Variants in KCNMB4 observed in about 807,000 individuals in gnomAD.
KCNMB4 encodes potassium calcium-activated channel subfamily M regulatory beta subunit 4.
Under a neutral mutation model 20.7 loss-of-function variants are expected in KCNMB4, and 3 were observed. The ratio of observed to expected loss-of-function variants is 0.14; its 90% CI spans 0.07 to 0.37. KCNMB4 has a LOEUF of 0.37. Ranked by LOEUF, KCNMB4 falls within the 10% of genes least tolerant of loss-of-function variation. KCNMB4 has a pLI of 1.00. For missense variants in KCNMB4, 168 were observed against 265.9 expected, an observed-to-expected ratio of 0.63 and a Z score of 2.56; for synonymous variants, 110 against 113.4, an observed-to-expected ratio of 0.97 and a Z score of 0.19.
chr12:70,393,201 ATTTAT>A (rs1462301971), intron 1 of KCNMB4, among the ~76,000 whole-genome samples: 1 of 151,840 alleles, frequency 6.6e-6, no homozygotes, highest in South Asian at 2.1e-4. Context: ...ATTTTATTTT[ATTTAT>A]TTTATTTTAT....
intron 1 of KCNMB4, among the ~76,000 whole-genome samples, chr12:70,387,216 G>C (rs1294680080): frequency 6.7e-6 from 1 of 148,862 alleles, no homozygotes; most frequent in East Asian, 1.9e-4. Flanking sequence ...AGCTGTGTGT[G>C]AAAGAGCCTA....
At chr12:70,368,286 A>G (rs965469842) in intron 1 of KCNMB4, among the ~76,000 whole-genome samples, 2 of 152,144 alleles carry the variant, frequency 1.3e-5, no homozygotes, top group Admixed American at 6.5e-5. Flanking sequence ...TCACTCTGCA[A>G]TAAAACTTGT....
At chr12:70,430,414 A>C (rs1869331685) in intron 2 of KCNMB4, 71 bp from the exon 3 acceptor site, 2 of 1,525,692 alleles carry the variant, frequency 1.3e-6, no homozygotes, top group Admixed American at 1.8e-5. Context: ...GTTTGGCTTT[A>C]GGTTGTAAAG....
chr12:70,407,612 C>T (rs111930941), intron 2 of KCNMB4, among the ~76,000 whole-genome samples: 8,646 of 151,506 alleles, frequency 0.057, 376 homozygotes, highest in East Asian at 0.15. Context: ...GGACTACAGG[C>T]GCCCGCCACC....
At chr12:70,370,171 C>A (rs1236607129) in intron 1 of KCNMB4, among the ~76,000 whole-genome samples, 1 of 152,166 alleles carries the variant, frequency 6.6e-6, no homozygotes, top group Non-Finnish European at 1.5e-5. Flanking sequence ...GATTCAAAAA[C>A]CACTGTCTTA....
intron 2 of KCNMB4, among the ~76,000 whole-genome samples, chr12:70,426,613 T>C (rs775652959): frequency 2.6e-5 from 4 of 152,200 alleles, no homozygotes; most frequent in Non-Finnish European, 4.4e-5. Flanking sequence ...TAGTACAATT[T>C]AAAAAATCTT....
chr12:70,366,926 G>A lies in KCNMB4; in HGVS notation c.192G>A (p.Glu64=). The part of the protein sequence containing the change: ...CTVLSVQQIG[E]VFECTFTCGA... ...TGCTGTCGGTGCAGCAGATCGGCGA[G>A]GTGTTCGAGTGCACCTTCACCTGTG... The change falls in exon 1 of 3, where the codon GAG becomes GAA. Residue 64 remains glutamate, a synonymous_variant. Transcript: ENST00000258111. 1 of 1,613,058 alleles carries A rather than the reference G, an allele frequency of 6.2e-7. No individual in the cohort carries two copies. Among genetic ancestry groups the A allele is most frequent in the Non-Finnish European group, 8.5e-7 (1 of 1,179,666 alleles).
intron 1 of KCNMB4, among the ~76,000 whole-genome samples, chr12:70,367,336 GACCCAGTCC>G (rs1883513382): frequency 6.6e-6 from 1 of 152,114 alleles, no homozygotes; most frequent in African/African-American, 2.4e-5. Flanking sequence ...TTGAGGCCTC[GACCCAGTCC>G]GGGTCCTGCG....
chr12:70,423,653 T>C (rs1388500051), intron 2 of KCNMB4, among the ~76,000 whole-genome samples: 3 of 152,174 alleles, frequency 2.0e-5, no homozygotes, highest in African/African-American at 7.2e-5. Context: ...AATTTTTTTA[T>C]ATTTTGTAGA....
intron 1 of KCNMB4, among the ~76,000 whole-genome samples, chr12:70,375,628 G>C (rs2053102): frequency 0.16 from 23,895 of 151,954 alleles, 2,145 homozygotes; most frequent in Admixed American, 0.28. Context: ...AACAGAGCAA[G>C]ACCCCATCTC....
intron 2 of KCNMB4, among the ~76,000 whole-genome samples, chr12:70,405,108 C>T (rs1868562491): frequency 6.6e-6 from 1 of 152,092 alleles, no homozygotes; most frequent in African/African-American, 2.4e-5. Context: ...TAGGTACAGC[C>T]TTTGATAAGT....
intron 2 of KCNMB4, among the ~76,000 whole-genome samples, chr12:70,429,087 C>T (rs1158316593): frequency 6.6e-6 from 1 of 152,164 alleles, no homozygotes; most frequent in African/African-American, 2.4e-5. Flanking sequence ...GATAGCTCCA[C>T]TATAAGTAAA....
intron 2 of KCNMB4, among the ~76,000 whole-genome samples, chr12:70,425,688 T>TA (rs1405528005): frequency 2.6e-5 from 4 of 152,266 alleles, no homozygotes; most frequent in Admixed American, 1.3e-4. Context: ...GTTTTCATTA[T>TA]AAAAAAATCA....
chr12:70,430,433 A>G (rs376180926), intron 2 of KCNMB4, 52 bp from the exon 3 acceptor site: 1 of 1,590,438 alleles, frequency 6.3e-7, no homozygotes, highest in African/African-American at 1.4e-5. Context: ...AGAGTTTTTC[A>G]GTGCCAAGGC....
At chr12:70,389,189 G>A (rs788372) in intron 1 of KCNMB4, among the ~76,000 whole-genome samples, 32,992 of 151,968 alleles carry the variant, frequency 0.22, 6,581 homozygotes, top group African/African-American at 0.54. Context: ...CTTTAACTAT[G>A]TAAAGTACTG....
At chr12:70,425,899 G>A (rs1869199198) in intron 2 of KCNMB4, among the ~76,000 whole-genome samples, 1 of 152,186 alleles carries the variant, frequency 6.6e-6, no homozygotes, top group South Asian at 2.1e-4. Context: ...AGTAGTTTGG[G>A]GGGCCGAGGC....
intron 2 of KCNMB4, 65 bp from the exon 3 acceptor site, chr12:70,430,419 GT>G (rs966439916): frequency 8.7e-5 from 136 of 1,558,294 alleles, no homozygotes; most frequent in Non-Finnish European, 1.2e-4. Flanking sequence ...GCTTTAGGTT[GT>G]AAAGAGTTTT....
chr12:70,400,371 T>A (rs1336735713), intron 2 of KCNMB4, 35 bp downstream of exon 2: 3 of 1,585,600 alleles, frequency 1.9e-6, no homozygotes, highest in Non-Finnish European at 2.6e-6. Context: ...GTTAAAATTG[T>A]TTGTAGACTC....
chr12:70,415,070 A>G (rs947814924), intron 2 of KCNMB4, among the ~76,000 whole-genome samples: 2 of 152,216 alleles, frequency 1.3e-5, no homozygotes, highest in African/African-American at 4.8e-5. Context: ...ATACCTGTTT[A>G]CCATGCTGCC....
Sources: gnomAD v4.1 joint callset for allele counts (sites outside exome capture counted in the v4.1 genomes callset) on GRCh38, gnomAD v4.1.1 for gene constraint, MANE v1.5 for transcripts, NCBI Gene and HGNC (gene_info 2026-07-23, HGNC 2026-07-21) for gene names.